Variants in DLG2 observed in about 807,000 individuals in gnomAD.
DLG2 encodes the protein disks large homolog 2.
In DLG2, 45 loss-of-function variants were observed where a neutral mutation model predicts 132.5. That is an observed-to-expected ratio of 0.34 (90% CI 0.27 to 0.44). DLG2 has a LOEUF of 0.44. DLG2 is among the 20% of genes least tolerant of loss of function. The probability of loss-of-function intolerance (pLI) is 1.00; values close to 1 mark genes in which losing one functional copy is unlikely to be tolerated. For missense variants in DLG2, 1,045 were observed against 1,196.9 expected (o/e 0.87, Z 1.87); for synonymous variants, 424 against 419.6 (o/e 1.01, Z -0.13).
intron 3 of DLG2, among the ~76,000 whole-genome samples, chr11:85,414,172 G>A (rs1289453067): frequency 2.0e-5 from 3 of 152,104 alleles, no homozygotes; most frequent in Admixed American, 6.6e-5. Flanking sequence ...TGTAAAAGGG[G>A]TTGAGTTCTC....
At chr11:83,672,299 C>T (rs2076966374) in intron 18 of DLG2, among the ~76,000 whole-genome samples, 1 of 152,084 alleles carries the variant, frequency 6.6e-6, no homozygotes, top group African/African-American at 2.4e-5. Context: ...ATTCTCCTGC[C>T]TCAGCCTCCC....
intron 6 of DLG2, among the ~76,000 whole-genome samples, chr11:84,591,344 T>G (rs944769781): frequency 1.3e-5 from 2 of 151,574 alleles, no homozygotes; most frequent in Non-Finnish European, 2.9e-5. Flanking sequence ...TTTGTTTGTT[T>G]GTTTGTTTCC....
At chr11:84,428,399 G>C (rs1202441126) in intron 7 of DLG2, among the ~76,000 whole-genome samples, 2 of 152,184 alleles carry the variant, frequency 1.3e-5, no homozygotes, top group Admixed American at 6.5e-5. Flanking sequence ...CAAGCCCTTA[G>C]CTTGGGCTGC....
chr11:84,253,447 A>G (rs1432143801), intron 7 of DLG2, among the ~76,000 whole-genome samples: 1 of 152,206 alleles, frequency 6.6e-6, no homozygotes, highest in African/African-American at 2.4e-5. Flanking sequence ...ACATTTCAGA[A>G]TTAATGTTAA....
intron 26 of DLG2, among the ~76,000 whole-genome samples, chr11:83,463,030 C>A (rs1310457052): frequency 6.6e-6 from 1 of 152,180 alleles, no homozygotes; most frequent in East Asian, 1.9e-4. Context: ...AAATCATTAC[C>A]GTCTTGCATG....
intron 3 of DLG2, among the ~76,000 whole-genome samples, chr11:85,333,091 A>G (rs1318380283): frequency 4.6e-5 from 7 of 152,128 alleles, no homozygotes; most frequent in Admixed American, 4.6e-4. Flanking sequence ...GCATGGAATA[A>G]TTTTCCATTT....
chr11:83,907,238 A>G (rs1286669107), intron 15 of DLG2, among the ~76,000 whole-genome samples: 1 of 152,216 alleles, frequency 6.6e-6, no homozygotes, highest in Non-Finnish European at 1.5e-5. Context: ...GAAGAATTAG[A>G]ATATAGTTAA....
At chr11:85,020,948 A>G in intron 6 of DLG2, 1 of 776,008 alleles carries the variant, frequency 1.3e-6, no homozygotes, top group Non-Finnish European at 2.4e-6. Flanking sequence ...CCAACTTCAC[A>G]TTAGTCTCAT....
intron 7 of DLG2, among the ~76,000 whole-genome samples, chr11:84,334,356 T>C (rs776378303): frequency 2.2e-4 from 34 of 152,342 alleles, no homozygotes; most frequent in Non-Finnish European, 4.9e-4. Flanking sequence ...GGGACACTCC[T>C]GTGCATTTTG....
chr11:83,832,438 A>C (rs2054816755), intron 17 of DLG2, among the ~76,000 whole-genome samples: 1 of 152,154 alleles, frequency 6.6e-6, no homozygotes, highest in South Asian at 2.1e-4. Flanking sequence ...TTACTTACAA[A>C]ATAATGCCCT....
At chr11:83,576,790 T>A (rs2096880523) in intron 19 of DLG2, among the ~76,000 whole-genome samples, 1 of 152,208 alleles carries the variant, frequency 6.6e-6, no homozygotes, top group African/African-American at 2.4e-5. Flanking sequence ...AAGGAAGTAC[T>A]CCAGGCAGAA....
chr11:85,387,163 C>T (rs2086413537), intron 3 of DLG2, among the ~76,000 whole-genome samples: 1 of 152,154 alleles, frequency 6.6e-6, no homozygotes, highest in Non-Finnish European at 1.5e-5. Flanking sequence ...GCTGGGATTA[C>T]AGGTGTTAGC....
At chr11:84,119,041 C>T (rs569760988) in intron 9 of DLG2, among the ~76,000 whole-genome samples, 5 of 152,138 alleles carry the variant, frequency 3.3e-5, no homozygotes, top group South Asian at 2.1e-4. Flanking sequence ...GTATTGGCTT[C>T]GACCTCAAGC....
chr11:85,106,076 T>C (rs1290611141), intron 6 of DLG2, among the ~76,000 whole-genome samples: 2 of 151,906 alleles, frequency 1.3e-5, no homozygotes, highest in Admixed American at 6.6e-5. Flanking sequence ...TGAATGATCC[T>C]GAATGTGGGT....
intron 18 of DLG2, among the ~76,000 whole-genome samples, chr11:83,735,762 G>T (rs1159067663): frequency 5.9e-5 from 9 of 152,210 alleles, no homozygotes. Context: ...TGATTGGAAT[G>T]AATGAGACAT....
chr11:84,181,021 A>G (rs548159440), intron 8 of DLG2, among the ~76,000 whole-genome samples: 66 of 152,146 alleles, frequency 4.3e-4, no homozygotes, highest in Non-Finnish European at 8.4e-4. Flanking sequence ...AAACAAAATA[A>G]AAGTTTTATT....
At chr11:84,164,905 A>G (rs2095627354) in intron 8 of DLG2, among the ~76,000 whole-genome samples, 1 of 152,234 alleles carries the variant, frequency 6.6e-6, no homozygotes, top group Non-Finnish European at 1.5e-5. Context: ...AGGCTTCAGC[A>G]ACTTAATGAC....
At chr11:83,640,179 C>G (rs1476646810) in intron 18 of DLG2, among the ~76,000 whole-genome samples, 1 of 152,184 alleles carries the variant, frequency 6.6e-6, no homozygotes, top group Non-Finnish European at 1.5e-5. Flanking sequence ...GCTGAGTTAT[C>G]CATTTCCACA....
At position 83,455,265 on chromosome 11, in the gene DLG2, T is replaced by C. The variant is rs1275191914; in HGVS notation, c.*4553A>G. On this transcript the variant is annotated 3_prime_UTR_variant, in exon 28 of 28. Transcript: ENST00000376104. ...TAACAGGAGTGTAAGCTGTGCAGTG[T>C]CTCTGTAAACTCCAGCCTAGGCAAG... 2.0e-5 allele frequency: 3 copies of C among 152,628 alleles called. No individual in the cohort carries two copies. The highest frequency in any genetic ancestry group is 4.4e-5 in the Non-Finnish European group (3 of 68,042). 9.5% of individuals were successfully genotyped at this position (152,628 alleles called of 1,614,324 possible).
Sources: allele counts gnomAD v4.1 joint callset (sites outside exome capture counted in the v4.1 genomes callset), GRCh38; gene constraint gnomAD v4.1.1; transcripts MANE v1.5; gene names NCBI Gene and HGNC (gene_info 2026-07-23, HGNC 2026-07-21).